Variants in UNC13D observed in about 807,000 individuals in gnomAD.
UNC13D encodes the protein protein unc-13 homolog D.
A neutral mutation model predicts 151.7 loss-of-function variants in UNC13D; 115 were observed. The observed-to-expected ratio is 0.76, with a 90% CI of 0.65 to 0.88. The LOEUF (loss-of-function observed/expected upper bound fraction) is 0.88, where lower values mean the gene tolerates loss of function less well. Ranked by LOEUF, UNC13D falls within the 40% of genes least tolerant of loss-of-function variation. The pLI, the probability that UNC13D is intolerant of heterozygous loss-of-function variation, is 0.00. For missense variants in UNC13D, 1,369 were observed against 1,438.7 expected (o/e 0.95, Z 0.78); for synonymous variants, 588 against 612.2 (o/e 0.96, Z 0.58).
chr17:75,833,177 A>G lies in UNC13D; in HGVS notation c.2368-132T>C. 1 of 851,810 alleles carries G rather than the reference A, an allele frequency of 1.2e-6. No homozygotes were observed. Among genetic ancestry groups the G allele is most frequent in the South Asian group, 1.6e-5 (1 of 63,122 alleles). The allele number at this position is 851,810 out of a possible 1,614,324, so 52.8% of individuals were successfully genotyped here. A position where few individuals can be genotyped will look rare whatever the true frequency, so the allele number is the denominator to read the frequency against. On this transcript the variant is annotated intron_variant, in intron 24 of 31. Coordinates refer to ENST00000207549, the MANE Select transcript of UNC13D (RefSeq NM_199242.3). This position sits in a 1 kb window ranked among gnomAD's most constrained non-coding sequence, Gnocchi z 4.0. ...GAGAGCAGTTTGTAGTGTCTGTAAG[A>G]GGCCGGCCTGCCCACCTCTCTGCCT...
chr17:75,832,706 A>G lies in UNC13D; in HGVS notation c.2447+260T>C, dbSNP rs2064879898. 1 of 419,808 alleles carries G rather than the reference A, an allele frequency of 2.4e-6. No homozygotes were observed. The highest frequency in any genetic ancestry group is 2.0e-5 in the African/African-American group (1 of 50,124). 26.0% of individuals were successfully genotyped at this position (419,808 alleles called of 1,614,324 possible). A position where few individuals can be genotyped will look rare whatever the true frequency, so the allele number is the denominator to read the frequency against. ...AAATGGGGAGGCCTGAGAAGTGGCA[A>G]GCTCCCCGTCCCTGCAGCGAGCCTT... On this transcript the variant is annotated intron_variant, in intron 25 of 31. Transcript: ENST00000207549. This position sits in a 1 kb window ranked among gnomAD's most constrained non-coding sequence, Gnocchi z 4.3.
chr17:75,835,685 G>A lies in UNC13D; in HGVS notation c.1689C>T (p.Leu563=). The change falls in exon 19 of 32, where the codon CTC becomes CTT. Residue 563 remains leucine, a synonymous_variant. Transcript: ENST00000207549. ...TCATGCGCAGCTGGCAGAGCTCCTT[G>A]AGGCTGATGTAGAGCTGGAACAGAC... is the stretch of plus-strand genomic sequence containing the variant. The part of the protein sequence containing the change: ...GESLFQLYIS[L]KELCQLRMSS... 1 of 1,613,492 alleles carries A rather than the reference G, an allele frequency of 6.2e-7. No individual in the cohort carries two copies. Among genetic ancestry groups the A allele is most frequent in the South Asian group, 1.1e-5 (1 of 91,084 alleles).
intron 12 of UNC13D, among the ~76,000 whole-genome samples, chr17:75,839,196 AG>A (rs1333866177): frequency 6.6e-6 from 1 of 152,044 alleles, no homozygotes; most frequent in Non-Finnish European, 1.5e-5. Flanking sequence ...TGAGGTCGGG[AG>A]TTGGAGACCA....
At chr17:75,828,217 A>T (rs1447692207) in intron 31 of UNC13D, 131 bp from the exon 32 acceptor site, 1 of 1,382,808 alleles carries the variant, frequency 7.2e-7, no homozygotes, top group African/African-American at 1.4e-5. Context: ...AACAAGTGAC[A>T]GACCCGCGCC....
In UNC13D at chr17:75,832,511, C is replaced by A. The variant is rs1199678793; in HGVS notation, c.2447+455G>T. On this transcript the variant is annotated intron_variant, in intron 25 of 31. Coordinates refer to ENST00000207549, the MANE Select transcript of UNC13D (RefSeq NM_199242.3). This position sits in a 1 kb window ranked among gnomAD's most constrained non-coding sequence, Gnocchi z 4.3. The stretch of plus-strand genomic sequence containing the variant: ...TGCTGGGTCCCTGCTATAAGACACC[C>A]TAGCTAGAAGTTCTCCCTGCACCGT... The A allele has an allele frequency of 6.3e-6, 1 of 158,534 alleles. No individual in the cohort carries two copies. The highest frequency in any genetic ancestry group is 2.4e-5 in the African/African-American group (1 of 41,672). 9.8% of individuals were successfully genotyped at this position (158,534 alleles called of 1,614,324 possible). A position where few individuals can be genotyped will look rare whatever the true frequency, so the allele number is the denominator to read the frequency against.
At position 75,830,042 on chromosome 17, in the gene UNC13D, A is replaced by G; in HGVS notation, c.2940T>C (p.Asp980=). The G allele has an allele frequency of 6.3e-7, 1 of 1,576,200 alleles. No individual in the cohort carries two copies. The highest frequency in any genetic ancestry group is 1.2e-5 in the South Asian group (1 of 85,858). The stretch of plus-strand genomic sequence containing the variant: ...GACCCACTCACAATTCAAAGGTCTC[A>G]TCAAACAATGGGTGAAGGTCCTTCT... ...KHKKDLHPLF[D]ETFEFLVPAE... The change falls in exon 30 of 32, where the codon GAT becomes GAC. Residue 980 remains aspartate (D), a synonymous_variant. Coordinates refer to ENST00000207549, the MANE Select transcript of UNC13D (RefSeq NM_199242.3).
At chr17:75,834,570 G>T in intron 22 of UNC13D, 39 bp from the exon 23 acceptor site, 1 of 1,611,490 alleles carries the variant, frequency 6.2e-7, no homozygotes, top group Non-Finnish European at 8.5e-7. Context: ...CTGTGCCCAG[G>T]CTGGTCCCCA....
At position 75,840,510 on chromosome 17, in the gene UNC13D, C is replaced by T; in HGVS notation, c.750G>A (p.Leu250=). 1.9e-6 allele frequency: 3 copies of T among 1,614,072 alleles called. No individual in the cohort carries two copies. Among genetic ancestry groups the T allele is most frequent in the Middle Eastern group, 3.3e-4 (2 of 6,062 alleles). Residue 250 remains leucine, a synonymous_variant, in exon 9 of 32, where the codon CTG becomes CTA. Coordinates refer to ENST00000207549, the MANE Select transcript of UNC13D (RefSeq NM_199242.3). The surrounding 1 kb of genome is among the most constrained non-coding windows in gnomAD (Gnocchi z 4.6). The stretch of plus-strand genomic sequence containing the variant: ...CCCCTTTCCTCATCCTCCTCACCTG[C>T]AGCCTCAGAACCACGTTCCCCAGAA... ...DDFLGNVVLR[L]QDLRCREDQW... is the part of the protein sequence containing the mutation.
intron 6 of UNC13D, 46 bp downstream of exon 6, chr17:75,842,387 C>A (rs201251559): frequency 1.9e-6 from 3 of 1,586,320 alleles, no homozygotes; most frequent in African/African-American, 1.3e-5. Context: ...ACCCTGCTAC[C>A]CAGGAAAGAC....
At chr17:75,830,733 GCTCA>G in intron 27 of UNC13D, 72 bp from the exon 28 acceptor site, 2 of 1,511,898 alleles carry the variant, frequency 1.3e-6, no homozygotes, top group Non-Finnish European at 1.8e-6. Flanking sequence ...CCCTCCAGGA[GCTCA>G]CTGTCAAGGG....
In UNC13D at chr17:75,840,882, T is replaced by C; in HGVS notation, c.615-52A>G. ...AGCAGAGAGAGTGCCTACGACCTCTTCCAGGAGGAGGTTCCGCCTCTCTCA... is the reference window on the plus strand; with the variant it reads ...AGCAGAGAGAGTGCCTACGACCTCTCCCAGGAGGAGGTTCCGCCTCTCTCA... On this transcript the variant is annotated intron_variant, in intron 7 of 31. Transcript: ENST00000207549. The surrounding 1 kb of genome is among the most constrained non-coding windows in gnomAD (Gnocchi z 4.6). 8 of 1,613,920 alleles carry C rather than the reference T, an allele frequency of 5.0e-6. No individual in the cohort carries two copies. The highest frequency in any genetic ancestry group is 6.8e-6 in the Non-Finnish European group (8 of 1,179,898).
chr17:75,838,922 A>G (rs1002153031), intron 12 of UNC13D, among the ~76,000 whole-genome samples: 9 of 151,724 alleles, frequency 5.9e-5, no homozygotes, highest in African/African-American at 2.2e-4. Context: ...AACACGGTGA[A>G]ACCCCATCTC....
chr17:75,835,106 C>T (rs370100105), intron 20 of UNC13D, 43 bp from the exon 21 acceptor site: 5 of 1,610,590 alleles, frequency 3.1e-6, no homozygotes, highest in Middle Eastern at 1.8e-4. Flanking sequence ...CAAATCCACC[C>T]CCTTCCCTCC....
chr17:75,834,464 GC>G lies in UNC13D; in HGVS notation c.2158del (p.Ala720HisfsTer9). On this transcript the variant is annotated frameshift_variant, in exon 23 of 32. Transcript: ENST00000207549. LOFTEE classifies it high-confidence loss of function. ...LVIGKLPAQL[A>X]WEALEQRVGA... Reference sequence around the variant, plus strand: ...TACCCGCTGCTCCAGGGCCTCCCATGCCAGCTGGGCGGGCAACTTGCCGATC... The same window carrying G: ...TACCCGCTGCTCCAGGGCCTCCCATGCAGCTGGGCGGGCAACTTGCCGATC... 1 of 1,564,322 alleles carries G rather than the reference GC, an allele frequency of 6.4e-7. No homozygotes were observed. The highest frequency in any genetic ancestry group is 1.2e-5 in the South Asian group (1 of 86,684).
intron 2 of UNC13D, 71 bp from the exon 3 acceptor site, chr17:75,843,337 G>C (rs1044079112): frequency 1.3e-5 from 21 of 1,587,826 alleles, no homozygotes; most frequent in Admixed American, 1.0e-4. Context: ...GCCATGGGCA[G>C]GACAAGGGCG....
In UNC13D at chr17:75,828,850, C is replaced by T; in HGVS notation, c.3088G>A (p.Gly1030Ser). Residue 1030 changes from glycine (G) to serine (S), a missense_variant, in exon 31 of 32, where the codon GGC becomes AGC. By Grantham distance (56) the Gly-to-Ser change is moderately conservative. Transcript: ENST00000207549. ...GGCACCTCACCAGGCTCCTCAGAGC[C>T]ACTCAGCCCGGGCACCTCACGCAGC... ...LPLREVPGLS[G>S]SEEPGEVPQT... is the part of the protein sequence containing the mutation. The T allele has an allele frequency of 1.3e-6, 2 of 1,587,366 alleles. No homozygotes were observed. The highest frequency in any genetic ancestry group is 1.3e-5 in the African/African-American group (1 of 74,776).
rs750433063 is a variant in UNC13D at position 75,830,348 on chromosome 17, C to T, written c.2830+14G>A. The stretch of plus-strand genomic sequence containing the variant: ...CGGGACCATGGAGAGTGGCCAAAGG[C>T]AGCCTCCACTCACCATTGGAGTCCA... On this transcript the variant is annotated intron_variant, in intron 29 of 31. Coordinates refer to ENST00000207549, the MANE Select transcript of UNC13D (RefSeq NM_199242.3). 7 of 1,591,350 alleles carry T rather than the reference C, an allele frequency of 4.4e-6. No individual in the cohort carries two copies. Among genetic ancestry groups the T allele is most frequent in the Non-Finnish European group, 6.0e-6 (7 of 1,170,778 alleles).
chr17:75,843,854 G>A (rs2064967020), intron 1 of UNC13D: 1 of 1,367,876 alleles, frequency 7.3e-7, no homozygotes, highest in East Asian at 2.9e-5. Context: ...GCGGAGGTGA[G>A]GGGGGTGCCA....
At chr17:75,831,071 A>G (rs1358436250) in intron 27 of UNC13D, 27 bp downstream of exon 27, 1 of 1,613,298 alleles carries the variant, frequency 6.2e-7, no homozygotes, top group Non-Finnish European at 8.5e-7. Context: ...CAGACTTCCT[A>G]CGGGGAAGCT....
Sources: allele counts gnomAD v4.1 joint callset (sites outside exome capture counted in the v4.1 genomes callset), GRCh38; gene constraint gnomAD v4.1.1; non-coding constraint Gnocchi (gnomAD v3.1); transcripts MANE v1.5; gene names NCBI Gene and HGNC (gene_info 2026-07-23, HGNC 2026-07-21).